The following RTL4 variants were observed in gnomAD, a reference collection of about 807,000 sequenced individuals.
RTL4 encodes the protein retrotransposon Gag-like protein 4.
RTL4 carries 4 observed loss-of-function variants against 5.3 expected under a neutral mutation model. That is an observed-to-expected ratio of 0.75 (90% CI 0.37 to 1.72). The LOEUF (loss-of-function observed/expected upper bound fraction) is 1.72, where lower values mean the gene tolerates loss of function less well. RTL4 is among the 40% of genes most tolerant of loss of function. The probability of loss-of-function intolerance (pLI) is 0.04; values close to 1 mark genes in which losing one functional copy is unlikely to be tolerated. For synonymous variants in RTL4, 98 were observed against 87.3 expected (o/e 1.12, Z -0.68); for missense variants, 260 against 227.1 (o/e 1.14, Z -0.93).
chrX:112,083,403 G>T, the RTL4 span, among the ~76,000 whole-genome samples: 1 of 112,698 alleles, frequency 8.9e-6, no homozygotes, highest in South Asian at 3.7e-4. Flanking sequence ...AGTTGAACCT[G>T]GGGGAGTAAG....
exon 1 of RTL4, chrX:112,456,203 A>G: frequency 3.3e-6 from 1 of 305,516 alleles, no homozygotes; most frequent in Non-Finnish European, 5.9e-6. Flanking sequence ...ATTGACTACG[A>G]TCTACCTTCA....
the RTL4 span, among the ~76,000 whole-genome samples, chrX:112,364,949 T>C: frequency 8.3e-3 from 925 of 111,840 alleles, 10 homozygotes; most frequent in Middle Eastern, 0.037. Flanking sequence ...GGTACAGGTA[T>C]ACCATAGTGA....
the RTL4 span, chrX:112,382,119 C>T: frequency 1.7e-6 from 2 of 1,208,918 alleles, no homozygotes; most frequent in Non-Finnish European, 2.2e-6. Flanking sequence ...TTAATCCGGG[C>T]GAGGCAGAGA....
At chrX:112,261,058 T>C in the RTL4 span, among the ~76,000 whole-genome samples, 1 of 111,461 alleles carries the variant, frequency 9.0e-6, no homozygotes, top group Non-Finnish European at 1.9e-5. Flanking sequence ...AAACAAACAT[T>C]GATGGAATGT....
chrX:112,329,101 A>G, the RTL4 span, among the ~76,000 whole-genome samples: 2 of 110,786 alleles, frequency 1.8e-5, no homozygotes, highest in African/African-American at 3.3e-5. Flanking sequence ...TAAAAGAACT[A>G]GAAAAGCAAG....
chrX:112,215,105 A>G, the RTL4 span, among the ~76,000 whole-genome samples: 1 of 111,601 alleles, frequency 9.0e-6, no homozygotes, highest in Non-Finnish European at 1.9e-5. Context: ...GATTTTTAAA[A>G]GATTATTTAT....
chrX:112,380,114 A>T, the RTL4 span, among the ~76,000 whole-genome samples: 3 of 110,260 alleles, frequency 2.7e-5, no homozygotes, highest in Admixed American at 2.9e-4. Flanking sequence ...TTCACTAAGA[A>T]TAATGGATTT....
At chrX:112,112,708 C>G in the RTL4 span, among the ~76,000 whole-genome samples, 1 of 111,728 alleles carries the variant, frequency 9.0e-6, no homozygotes, top group African/African-American at 3.3e-5. Context: ...ACTAGAGTGC[C>G]TGGACTTGAG....
At chrX:112,436,029 CAACATGGTG>C in the RTL4 span, among the ~76,000 whole-genome samples, 2 of 111,323 alleles carry the variant, frequency 1.8e-5, no homozygotes, top group Non-Finnish European at 3.8e-5. Context: ...CCTGTCTGAC[CAACATGGTG>C]AAACCCCCTC....
chrX:112,161,844 C>CCTTCCTTCCTTTCTTTCTTTCTTT, the RTL4 span, among the ~76,000 whole-genome samples: 33 of 40,045 alleles, frequency 8.2e-4, no homozygotes, highest in African/African-American at 3.5e-3. Flanking sequence ...TTCCTTCCTT[C>CCTTCCTTCCTTTCTTTCTTTCTTT]CTTTCTTTCT....
the RTL4 span, among the ~76,000 whole-genome samples, chrX:112,418,163 CAAATA>C: frequency 9.0e-6 from 1 of 111,300 alleles, no homozygotes; most frequent in African/African-American, 3.3e-5. Context: ...AACAAATAAA[CAAATA>C]AAATAAAATT....
At chrX:112,314,261 G>A in the RTL4 span, among the ~76,000 whole-genome samples, 1 of 111,197 alleles carries the variant, frequency 9.0e-6, no homozygotes, top group Non-Finnish European at 1.9e-5. Flanking sequence ...AAAAATTTAG[G>A]AAATAAGATA....
At chrX:112,229,562 G>C in the RTL4 span, among the ~76,000 whole-genome samples, 1 of 112,022 alleles carries the variant, frequency 8.9e-6, no homozygotes, top group African/African-American at 3.2e-5. Flanking sequence ...TAAGGCAGGG[G>C]CATCCAATAT....
the RTL4 span, among the ~76,000 whole-genome samples, chrX:112,209,738 A>G: frequency 3.7e-4 from 41 of 111,602 alleles, no homozygotes; most frequent in African/African-American, 1.3e-3. Context: ...GACCCACTTT[A>G]TGGCTAGCTG....
chrX:112,289,793 G>GTA, the RTL4 span, among the ~76,000 whole-genome samples: 10 of 110,308 alleles, frequency 9.1e-5, no homozygotes, highest in South Asian at 3.0e-3. Context: ...GTGTGTGTGT[G>GTA]TGTATAAAAT....
the RTL4 span, among the ~76,000 whole-genome samples, chrX:112,134,807 T>C: frequency 1.8e-5 from 2 of 111,987 alleles, no homozygotes; most frequent in African/African-American, 6.5e-5. Context: ...AATCTTATTA[T>C]ATGTACTTTT....
the RTL4 span, among the ~76,000 whole-genome samples, chrX:112,127,704 C>G: frequency 8.9e-6 from 1 of 111,773 alleles, no homozygotes. Context: ...ATTGCTAGAA[C>G]TAATAAACTA....
At chrX:112,432,896 A>T in the RTL4 span, among the ~76,000 whole-genome samples, 1 of 111,845 alleles carries the variant, frequency 8.9e-6, no homozygotes, top group Non-Finnish European at 1.9e-5. Context: ...TCCATCTTGA[A>T]TTAATTTTTG....
chrX:112,206,648 T>C, the RTL4 span, among the ~76,000 whole-genome samples: 2 of 111,493 alleles, frequency 1.8e-5, no homozygotes. Context: ...TCTACACTCA[T>C]TACATAGGTG....
Sources: gnomAD v4.1 joint callset for allele counts (sites outside exome capture counted in the v4.1 genomes callset) on GRCh38, gnomAD v4.1.1 for gene constraint, MANE v1.5 for transcripts, NCBI Gene and HGNC (gene_info 2026-07-23, HGNC 2026-07-21) for gene names.